Variants in ZNF106 observed in about 807,000 individuals in gnomAD.
ZNF106 encodes SH3-domain binding protein 3.
ZNF106 carries 67 observed loss-of-function variants against 195.1 expected under a neutral mutation model. That is an observed-to-expected ratio of 0.34 (90% confidence interval 0.28 to 0.42). The LOEUF (loss-of-function observed/expected upper bound fraction) is 0.42. Ranked by LOEUF, ZNF106 falls within the 10% of genes least tolerant of loss-of-function variation. The pLI is 1.00. For missense variants in ZNF106, 2,118 were observed against 2,304.5 expected (o/e 0.92, Z 1.66); for synonymous variants, 784 against 818.6 (o/e 0.96, Z 0.72).
chr15:42,486,077 C>T (rs1305548829), intron 1 of ZNF106, among the ~76,000 whole-genome samples: 1 of 151,846 alleles, frequency 6.6e-6, no homozygotes, highest in Non-Finnish European at 1.5e-5. Context: ...CCTGCCTCAG[C>T]CTCCCGAGTA....
In ZNF106 at chr15:42,439,279, T is replaced by G. The variant is rs2055406680; in HGVS notation, c.4298A>C (p.Gln1433Pro). 6.2e-7 allele frequency: 1 copy of G among 1,614,064 alleles called. No homozygotes were observed. Among genetic ancestry groups the G allele is most frequent in the Non-Finnish European group, 8.5e-7 (1 of 1,180,054 alleles). Residue 1433 changes from glutamine to proline, a missense_variant, in exon 11 of 22, where the codon CAG (glutamine) becomes CCG (proline). Coordinates refer to ENST00000564754, the MANE Select transcript of ZNF106 (RefSeq NM_001366845.3). ...TWEDSRTGREQESVRDEPDSD... is the reference protein window; with the variant it reads ...TWEDSRTGREPESVRDEPDSD... ...ATCTGGCTCATCTCTGACACTCTCCTGCTCCCGACCAGTCCTGCTGTCTTC... is the reference window on the plus strand; with the variant it reads ...ATCTGGCTCATCTCTGACACTCTCCGGCTCCCGACCAGTCCTGCTGTCTTC...
chr15:42,447,320 G>A (rs2055809666), intron 6 of ZNF106, among the ~76,000 whole-genome samples: 1 of 152,076 alleles, frequency 6.6e-6, no homozygotes, highest in African/African-American at 2.4e-5. Context: ...TTCCAGAGCA[G>A]TATGGACAAC....
At chr15:42,422,789 A>AT (rs1222223450) in intron 17 of ZNF106, among the ~76,000 whole-genome samples, 169 bp from the exon 18 acceptor site, 2 of 150,898 alleles carry the variant, frequency 1.3e-5, no homozygotes, top group African/African-American at 4.9e-5. Context: ...ATTAACTTTA[A>AT]TAGCAGAAGT....
rs780014253 is a variant in ZNF106 at position 42,417,947 on chromosome 15, T to C, written c.5522A>G (p.His1841Arg). The C allele has an allele frequency of 1.9e-6, 3 of 1,612,852 alleles. No homozygotes were observed. The highest frequency in any genetic ancestry group is 2.5e-6 in the Non-Finnish European group (3 of 1,179,450). The change falls in exon 21 of 22, where the codon CAT (histidine) becomes CGT (arginine). Residue 1841 changes from histidine to arginine, a missense_variant. By Grantham distance (29) the His-to-Arg change is conservative (BLOSUM62 0). Coordinates refer to ENST00000564754, the MANE Select transcript of ZNF106 (RefSeq NM_001366845.3). ...AACGCCAAATATCAGAGAGCAACCA[T>C]GCCACTGGAGAGAAAGAAAATGAGG... ...NLMQNYRCWW[H>R]GCSLIFGVVD...
intron 15 of ZNF106, among the ~76,000 whole-genome samples, chr15:42,427,219 G>T (rs1329285131): frequency 6.6e-6 from 1 of 151,894 alleles, no homozygotes; most frequent in Non-Finnish European, 1.5e-5. Context: ...CTCCTAAATG[G>T]TCTCCCTGCC....
rs1595483141 is a variant in ZNF106, at chr15:42,463,692, C to A, written c.116+2361G>T. On this transcript the variant is annotated intron_variant, in intron 3 of 21. Transcript: ENST00000564754. The stretch of plus-strand genomic sequence containing the variant: ...GCACACGCCTGTAGTCCCAGCTACA[C>A]AGTAAGCTGAGGTGGGAGGATTGTT... Among the ~76,000 whole-genome samples the A allele has an allele frequency of 2.0e-5, 3 of 152,126 alleles. 1 individual carries two copies.
At chr15:42,435,608 C>A in intron 13 of ZNF106, 90 bp from the exon 14 acceptor site, 1 of 1,490,548 alleles carries the variant, frequency 6.7e-7, no homozygotes, top group South Asian at 1.2e-5. Context: ...CTAAAACATT[C>A]AGTTCACTGC....
chr15:42,415,241 C>A lies in ZNF106; in HGVS notation c.*2063G>T, dbSNP rs1440581674. The A allele has an allele frequency of 7.2e-6, 2 of 277,386 alleles. No individual in the cohort carries two copies. Among genetic ancestry groups the A allele is most frequent in the Non-Finnish European group, 1.4e-5 (2 of 138,648 alleles). The allele number at this position is 277,386 out of a possible 1,614,324, so 17.2% of individuals were successfully genotyped here. A position where few individuals can be genotyped will look rare whatever the true frequency, so the allele number is the denominator to read the frequency against. ...GGTTCAAGTGATTCTCCTGTCTCAG[C>A]CTCCTGAGTAGCTGAGACTACAGGC... On this transcript the variant is annotated 3_prime_UTR_variant, in exon 22 of 22. Coordinates refer to ENST00000564754, the MANE Select transcript of ZNF106 (RefSeq NM_001366845.3).
At chr15:42,453,122 T>C (rs538357049) in intron 4 of ZNF106, among the ~76,000 whole-genome samples, 3 of 152,344 alleles carry the variant, frequency 2.0e-5, no homozygotes, top group Admixed American at 2.0e-4. Flanking sequence ...TGCATGGTTA[T>C]TTTTATTAAT....
At chr15:42,473,044 T>C (rs1034556335) in intron 1 of ZNF106, among the ~76,000 whole-genome samples, 1 of 148,910 alleles carries the variant, frequency 6.7e-6, no homozygotes, top group African/African-American at 2.5e-5. Context: ...TTAGAACATA[T>C]ACAGGTTGAA....
chr15:42,425,323 C>G, intron 15 of ZNF106: 1 of 320,048 alleles, frequency 3.1e-6, no homozygotes, highest in South Asian at 5.1e-5. Context: ...TCTTTCACCA[C>G]CTGTAAGTTA....
intron 20 of ZNF106, among the ~76,000 whole-genome samples, chr15:42,420,260 C>T (rs1285679799): frequency 1.3e-5 from 2 of 152,200 alleles, no homozygotes; most frequent in East Asian, 3.8e-4. Flanking sequence ...TGCCATCCCA[C>T]TCCATCTTGC....
intron 2 of ZNF106, 88 bp downstream of exon 2, chr15:42,472,148 T>C (rs1231205059): frequency 8.1e-7 from 1 of 1,228,690 alleles, no homozygotes. Context: ...TAATAACATA[T>C]GTCTATTAAT....
intron 10 of ZNF106, among the ~76,000 whole-genome samples, chr15:42,440,754 G>A (rs771903535): frequency 2.6e-5 from 4 of 151,284 alleles, no homozygotes; most frequent in Non-Finnish European, 5.9e-5. Context: ...AGGCTGAGGC[G>A]GTCGGATCAC....
intron 15 of ZNF106, among the ~76,000 whole-genome samples, chr15:42,426,216 GA>G (rs1410504498): frequency 3.9e-5 from 6 of 152,116 alleles, no homozygotes; most frequent in Middle Eastern, 3.2e-3. Context: ...GGCAACCTAG[GA>G]AAAAGCCCAG....
chr15:42,449,824 C>A lies in ZNF106; in HGVS notation c.2448G>T (p.Gln816His), dbSNP rs1356293209. The A allele has an allele frequency of 6.2e-7, 1 of 1,614,036 alleles. No homozygotes were observed. The highest frequency in any genetic ancestry group is 8.5e-7 in the Non-Finnish European group (1 of 1,180,014). ...TTTTCTTGGTTACTTGCTGAATGAC[C>A]TGTTCCCAGTTGACATTTCTCCGAG... Reference protein sequence around the residue: ...NASRRNVNWEQVIQQVTKKKQ... With the variant: ...NASRRNVNWEHVIQQVTKKKQ... The change falls in exon 5 of 22, where the codon CAG becomes CAT. Residue 816 changes from glutamine to histidine, a missense_variant. By Grantham distance (24) the Gln-to-His change is conservative. Transcript: ENST00000564754.
chr15:42,454,898 C>CA (rs796332231), intron 4 of ZNF106, among the ~76,000 whole-genome samples: 2,256 of 119,384 alleles, frequency 0.019, 30 homozygotes, highest in Non-Finnish European at 0.026. Flanking sequence ...CACCCTGTCT[C>CA]AAAAAAAAAA....
chr15:42,458,631 C>G (rs2056306520), intron 3 of ZNF106, among the ~76,000 whole-genome samples: 1 of 151,642 alleles, frequency 6.6e-6, no homozygotes, highest in Non-Finnish European at 1.5e-5. Flanking sequence ...TCGCTTGAAC[C>G]CAGGAGGCAA....
At position 42,444,233 on chromosome 15, in the gene ZNF106, G is replaced by A; in HGVS notation, c.3390C>T (p.Thr1130=). ...QITMEMSALR[T]HRIQILQGLQ... ...ATCCCTGTAGAATCTGTATTCTATG[G>A]GTCCTCAGTGCACTCATCTCCATAG... The change falls in exon 9 of 22, where the codon ACC becomes ACT. Residue 1130 remains threonine, a synonymous_variant. Transcript: ENST00000564754. 6.2e-7 allele frequency: 1 copy of A among 1,610,622 alleles called. No individual in the cohort carries two copies. Among genetic ancestry groups the A allele is most frequent in the Non-Finnish European group, 8.5e-7 (1 of 1,178,246 alleles).
Sources: gnomAD v4.1 joint callset for allele counts (sites outside exome capture counted in the v4.1 genomes callset) on GRCh38, gnomAD v4.1.1 for gene constraint, MANE v1.5 for transcripts, NCBI Gene and HGNC (gene_info 2026-07-23, HGNC 2026-07-21) for gene names.